Variants in ROBO1 observed in about 807,000 individuals in gnomAD.
ROBO1 encodes the protein roundabout guidance receptor 1.
A neutral mutation model predicts 195.9 loss-of-function variants in ROBO1; 149 were observed. The observed-to-expected ratio is 0.76, with a 90% CI of 0.67 to 0.87. ROBO1 has a LOEUF of 0.87. ROBO1 is among the 40% of genes least tolerant of loss of function. The pLI is 0.00. For synonymous variants in ROBO1, 816 were observed against 733.2 expected (o/e 1.11, Z -1.82); for missense variants, 1,933 against 2,068.3 (o/e 0.93, Z 1.27).
chr3:79,472,972 G>A (rs1045455983), intron 2 of ROBO1, among the ~76,000 whole-genome samples: 1 of 152,124 alleles, frequency 6.6e-6, no homozygotes, highest in Non-Finnish European at 1.5e-5. Flanking sequence ...TAGGGAGTGA[G>A]AGTGGATGTG....
At chr3:78,962,823 C>CAAAAAAAAAAAAAAA (rs770515270) in intron 3 of ROBO1, among the ~76,000 whole-genome samples, 1 of 26,218 alleles carries the variant, frequency 3.8e-5, no homozygotes, top group Non-Finnish European at 7.9e-5. Flanking sequence ...GACTCCATCT[C>CAAAAAAAAAAAAAAA]AAAAAAAAAA....
intron 21 of ROBO1, among the ~76,000 whole-genome samples, chr3:78,643,691 TG>T (rs1467293270): frequency 6.6e-6 from 1 of 152,134 alleles, no homozygotes; most frequent in Non-Finnish European, 1.5e-5. Flanking sequence ...TAGGTCCTAT[TG>T]ATAATGGGAT....
intron 2 of ROBO1, among the ~76,000 whole-genome samples, chr3:79,547,163 A>C (rs367624981): frequency 0.017 from 2,289 of 131,766 alleles, 46 homozygotes; most frequent in Middle Eastern, 0.08. Flanking sequence ...CCAGCCTGGC[A>C]GACAGAGCGA....
intron 4 of ROBO1, among the ~76,000 whole-genome samples, chr3:78,890,969 G>A (rs567088389): frequency 1.3e-5 from 2 of 152,058 alleles, no homozygotes; most frequent in Non-Finnish European, 2.9e-5. Flanking sequence ...TGCTCAGGCT[G>A]GCCTCAAGCA....
intron 5 of ROBO1, among the ~76,000 whole-genome samples, chr3:78,725,410 A>G (rs115272177): frequency 0.015 from 2,257 of 152,298 alleles, 22 homozygotes; most frequent in Middle Eastern, 0.048. Context: ...AAATGTAAAA[A>G]TTCTTGATGT....
In ROBO1 at chr3:79,123,227, G is replaced by C. The variant is rs1330724096; in HGVS notation, c.172+2229C>G. ...TATAAAAGTGTTCCTGGACAGATAG[G>C]CCATCTCACTTTCCTCTGAACTCAA... On this transcript the variant is annotated intron_variant, in intron 3 of 30. Transcript: ENST00000464233. Among the ~76,000 whole-genome samples the C allele has an allele frequency of 3.3e-5, 5 of 151,810 alleles. No individual in the cohort carries two copies. The East Asian group carries it at 9.7e-4, about 29-fold the overall frequency.
chr3:78,622,676 C>G (rs939439636), intron 26 of ROBO1, among the ~76,000 whole-genome samples: 4 of 152,176 alleles, frequency 2.6e-5, no homozygotes, highest in African/African-American at 9.7e-5. Flanking sequence ...TCTGTGATTG[C>G]TTTAATTCAA....
chr3:79,618,855 C>T (rs1317537744), intron 1 of ROBO1, among the ~76,000 whole-genome samples: 1 of 152,142 alleles, frequency 6.6e-6, no homozygotes, highest in Non-Finnish European at 1.5e-5. Flanking sequence ...CTCGTGCTAC[C>T]CTTCAATCTC....
chr3:79,410,521 A>G (rs1027615001), intron 2 of ROBO1, among the ~76,000 whole-genome samples: 4 of 152,056 alleles, frequency 2.6e-5, no homozygotes, highest in Non-Finnish European at 5.9e-5. Context: ...TTATTTCAGA[A>G]TGGTGTAAGT....
chr3:79,638,908 C>A (rs1945575126), intron 1 of ROBO1, among the ~76,000 whole-genome samples: 1 of 152,052 alleles, frequency 6.6e-6, no homozygotes. Flanking sequence ...AAAGAAAAAT[C>A]CCATGATTTC....
intron 3 of ROBO1, among the ~76,000 whole-genome samples, chr3:79,004,900 TAAG>T (rs553948843): frequency 2.0e-5 from 3 of 152,210 alleles, no homozygotes; most frequent in African/African-American, 7.2e-5. Flanking sequence ...TGTAAGGAAA[TAAG>T]GAGAAGAAAT....
chr3:79,007,502 T>A lies in ROBO1; in HGVS notation c.173-68575A>T, dbSNP rs558732890. Reference sequence around the variant, plus strand: ...ATAGCATTATATCAAAGTCTATTTATCTGTATACTGCTATCCATAACCTCA... The same window carrying A: ...ATAGCATTATATCAAAGTCTATTTAACTGTATACTGCTATCCATAACCTCA... On this transcript the variant is annotated intron_variant, in intron 3 of 30. Transcript: ENST00000464233. 2.0e-5 allele frequency among the ~76,000 whole-genome samples: 3 copies of A among 152,342 alleles called. No homozygotes were observed. The East Asian group carries it at 5.8e-4, about 29-fold the overall frequency.
chr3:79,347,549 A>G (rs1324760996), intron 2 of ROBO1, among the ~76,000 whole-genome samples: 1 of 152,222 alleles, frequency 6.6e-6, no homozygotes, highest in African/African-American at 2.4e-5. Flanking sequence ...TAACCTGACT[A>G]TAAGCCTCAG....
At chr3:78,662,287 C>T (rs2107673664) in intron 14 of ROBO1, among the ~76,000 whole-genome samples, 173 bp from the exon 15 acceptor site, 1 of 149,634 alleles carries the variant, frequency 6.7e-6, no homozygotes, top group East Asian at 2.0e-4. Context: ...TTATTAGGAT[C>T]AGGAAAGTAA....
At chr3:79,198,095 G>A (rs1260047253) in intron 2 of ROBO1, among the ~76,000 whole-genome samples, 1 of 152,010 alleles carries the variant, frequency 6.6e-6, no homozygotes, top group Non-Finnish European at 1.5e-5. Context: ...TGGTGTTTCA[G>A]TCATGAAGTC....
intron 4 of ROBO1, among the ~76,000 whole-genome samples, chr3:78,908,691 G>C (rs2038070895): frequency 6.6e-6 from 1 of 151,754 alleles, no homozygotes. Context: ...AACTGCTACA[G>C]CCATTAAAAA....
chr3:79,672,601 CTACTATCA>C (rs1224912959), intron 1 of ROBO1, among the ~76,000 whole-genome samples: 1 of 151,856 alleles, frequency 6.6e-6, no homozygotes, highest in African/African-American at 2.4e-5. Flanking sequence ...TAATTTCATT[CTACTATCA>C]TACTTTAAAT....
At chr3:78,771,358 A>G (rs753753143) in intron 4 of ROBO1, among the ~76,000 whole-genome samples, 1 of 152,110 alleles carries the variant, frequency 6.6e-6, no homozygotes, top group Admixed American at 6.6e-5. Flanking sequence ...CCTTTTGCTT[A>G]GCATTGCTTT....
chr3:79,673,843 A>C (rs1946703649), intron 1 of ROBO1, among the ~76,000 whole-genome samples: 1 of 152,112 alleles, frequency 6.6e-6, no homozygotes, highest in Admixed American at 6.6e-5. Context: ...CACTCGCTGC[A>C]GTCTATGGGC....
Sources: allele counts gnomAD v4.1 joint callset (sites outside exome capture counted in the v4.1 genomes callset), GRCh38; gene constraint gnomAD v4.1.1; transcripts MANE v1.5; gene names NCBI Gene and HGNC (gene_info 2026-07-23, HGNC 2026-07-21).